The following ZNF343 variants were observed in gnomAD, a reference collection of about 807,000 sequenced individuals.
ZNF343 encodes zinc finger protein 343.
A neutral mutation model predicts 13.8 loss-of-function variants in ZNF343; 11 were observed. The observed-to-expected ratio is 0.80, with a 90% CI of 0.50 to 1.32. ZNF343 has a LOEUF of 1.32. ZNF343 is among the 40% of genes most tolerant of loss of function. ZNF343 has a pLI of 0.00. For synonymous variants in ZNF343, 248 were observed against 260.0 expected, an observed-to-expected ratio of 0.95 and a Z score of 0.44; for missense variants, 658 against 714.2, an observed-to-expected ratio of 0.92 and a Z score of 0.90.
chr20:2,502,132 C>T (rs2085577544), intron 1 of ZNF343, among the ~76,000 whole-genome samples: 1 of 152,132 alleles, frequency 6.6e-6, no homozygotes, highest in South Asian at 2.1e-4. Context: ...CCTGATGGAG[C>T]TGAAAACCAT....
At position 2,483,966 on chromosome 20, in the gene ZNF343, T is replaced by C. The variant is rs1441720552; in HGVS notation, c.995A>G (p.Gln332Arg). Reference sequence around the variant, plus strand: ...GAGGATGGACTTACTTCTAAAGCTTTGCCCACACTCCCTGCACAAATAAGG... The same window carrying C: ...GAGGATGGACTTACTTCTAAAGCTTCGCCCACACTCCCTGCACAAATAAGG... Reference protein sequence around the residue: ...EKPYLCRECGQSFRSKSILNR... With the variant: ...EKPYLCRECGRSFRSKSILNR... Residue 332 changes from glutamine to arginine, a missense_variant, in exon 6 of 6, where the codon CAA becomes CGA. Transcript: ENST00000278772. The C allele has an allele frequency of 1.9e-6, 3 of 1,612,214 alleles. No individual in the cohort carries two copies. Among genetic ancestry groups the C allele is most frequent in the Non-Finnish European group, 2.5e-6 (3 of 1,179,476 alleles).
rs147064287 is a variant in ZNF343, at chr20:2,516,049, T to C, written c.-347+8406A>G. ...ATTGAAAGTGAGAGTGATGGTCAGA[T>C]TGAGGTGATGAAGTGAGAATGGGGG... On this transcript the variant is annotated intron_variant, in intron 1 of 6. Coordinates refer to the ZNF343 transcript ENST00000358413. 5.9e-5 allele frequency among the ~76,000 whole-genome samples: 9 copies of C among 151,626 alleles called. No homozygotes were observed. The East Asian group carries it at 9.7e-4, about 16-fold the overall frequency.
At chr20:2,509,429 A>C (rs1040888168), upstream of ZNF343, among the ~76,000 whole-genome samples, 1 of 151,888 alleles carries the variant, frequency 6.6e-6, no homozygotes. Flanking sequence ...ACACCAGTGC[A>C]CTCCTGTGGG....
At chr20:2,505,639 A>T (rs552649347) in intron 1 of ZNF343, among the ~76,000 whole-genome samples, 1 of 152,240 alleles carries the variant, frequency 6.6e-6, no homozygotes, top group Non-Finnish European at 1.5e-5. Flanking sequence ...ATAATGCCGC[A>T]TATCTACAAC....
upstream of ZNF343, chr20:2,509,086 G>C (rs2085718250): frequency 6.6e-6 from 1 of 152,198 alleles, no homozygotes; most frequent in Admixed American, 6.5e-5. Flanking sequence ...TCTGGCTCCC[G>C]AGTGAAGTCT....
At chr20:2,495,837 C>T (rs926027211) in intron 2 of ZNF343, among the ~76,000 whole-genome samples, 1 of 152,088 alleles carries the variant, frequency 6.6e-6, no homozygotes, top group African/African-American at 2.4e-5. Flanking sequence ...CCTGCCACCA[C>T]ATCCAGCTAA....
chr20:2,485,931 G>T (rs562000771), intron 5 of ZNF343, among the ~76,000 whole-genome samples: 3 of 152,262 alleles, frequency 2.0e-5, no homozygotes, highest in East Asian at 3.9e-4. Flanking sequence ...CACTCCCTGA[G>T]TCTGTTTGGT....
intron 1 of ZNF343, among the ~76,000 whole-genome samples, chr20:2,501,114 A>T (rs2085557042): frequency 6.6e-6 from 1 of 152,124 alleles, no homozygotes; most frequent in Admixed American, 6.5e-5. Context: ...CCACCCTAAT[A>T]CTGCGCTTTT....
chr20:2,504,161 C>T lies in ZNF343; in HGVS notation c.-236-3419G>A, dbSNP rs367689957. Among the ~76,000 whole-genome samples, 1,258 of 152,186 alleles carry T rather than the reference C, an allele frequency of 8.3e-3. 6 individuals are homozygous for T. The highest frequency in any genetic ancestry group is 0.015 in the African/African-American group (604 of 41,532). On this transcript the variant is annotated intron_variant, in intron 1 of 5. Transcript: ENST00000278772. ...CTGATCCCATAGAAATACAAACTAC[C>T]GTCAGAGAATACTATAAACACCTCT...
rs142385929 is a variant in ZNF343, at chr20:2,483,655, G to C, written c.1306C>G (p.Pro436Ala). 41 of 1,613,034 alleles carry C rather than the reference G, an allele frequency of 2.5e-5. No homozygotes were observed. Among genetic ancestry groups the C allele is most frequent in the Admixed American group, 6.7e-5 (4 of 59,910 alleles). The stretch of plus-strand genomic sequence containing the variant: ...CGCCCACACTCCCTGCAAACATAAG[G>C]CTTCTCATCCAAGTGTGTCCTCTGG... ...KHQRTHLDEK[P>A]YVCRECGRGF... is the part of the protein sequence containing the mutation. The change falls in exon 6 of 6, where the codon CCT becomes GCT. Residue 436 changes from proline to alanine, a missense_variant. By Grantham distance (27) the Pro-to-Ala change is conservative. Coordinates refer to ENST00000278772, the MANE Select transcript of ZNF343 (RefSeq NM_024325.6).
At position 2,482,916 on chromosome 20, in the gene ZNF343, T is replaced by C; in HGVS notation, c.*245A>G. On this transcript the variant is annotated 3_prime_UTR_variant, in exon 6 of 6. Coordinates refer to ENST00000278772, the MANE Select transcript of ZNF343 (RefSeq NM_024325.6). ...AGTCCCTACACATAAACTTCTCTCCTAAGTGTGTCCTTTTGTGCATGCTCA... is the reference window on the plus strand; with the variant it reads ...AGTCCCTACACATAAACTTCTCTCCCAAGTGTGTCCTTTTGTGCATGCTCA... 1.9e-6 allele frequency: 1 copy of C among 530,030 alleles called. No homozygotes were observed. The highest frequency in any genetic ancestry group is 3.3e-6 in the Non-Finnish European group (1 of 299,886). The allele number at this position is 530,030 out of a possible 1,614,324, so 32.8% of individuals were successfully genotyped here. A position where few individuals can be genotyped will look rare whatever the true frequency, so the allele number is the denominator to read the frequency against.
chr20:2,498,491 C>G (rs1381441479), intron 2 of ZNF343, among the ~76,000 whole-genome samples: 1 of 152,156 alleles, frequency 6.6e-6, no homozygotes, highest in Non-Finnish European at 1.5e-5. Flanking sequence ...TAGAAAACCA[C>G]AGAGGAATAA....
Position 2,484,018 on chromosome 20 carries a change from G to A in ZNF343, c.943C>T (p.His315Tyr). The change falls in exon 6 of 6, where the codon CAC becomes TAC. Residue 315 changes from histidine to tyrosine, a missense_variant. Coordinates refer to ENST00000278772, the MANE Select transcript of ZNF343 (RefSeq NM_024325.6). ...TTCTCTTCTGAATGTGTTCTCTGGT[G>A]TCTGCTGAGGTTGGACTTCTGGCTA... The part of the protein sequence containing the change: ...GFSQKSNLSR[H>Y]QRTHSEEKPY... 1 of 1,614,152 alleles carries A rather than the reference G, an allele frequency of 6.2e-7. No individual in the cohort carries two copies. Among genetic ancestry groups the A allele is most frequent in the South Asian group, 1.1e-5 (1 of 91,084 alleles).
rs539865734 is a variant in ZNF343 at position 2,484,581 on chromosome 20, T to C, written c.380A>G (p.His127Arg). The C allele has an allele frequency of 4.1e-5, 66 of 1,614,114 alleles. No individual in the cohort carries two copies. Among genetic ancestry groups the C allele is most frequent in the African/African-American group, 5.3e-5 (4 of 75,052 alleles). Residue 127 changes from histidine (H) to arginine (R), a missense_variant, in exon 6 of 6, where the codon CAT becomes CGT. Transcript: ENST00000278772. ...AFSCQQFLSQ[H>R]VLQIFLGLCA... ...TAAGCCCAGGAAGATCTGAAGTACATGTTGACTGAGGAACTGCTGACAGGA... is the reference window on the plus strand; with the variant it reads ...TAAGCCCAGGAAGATCTGAAGTACACGTTGACTGAGGAACTGCTGACAGGA...
At chr20:2,490,256 T>C (rs1295800646) in intron 5 of ZNF343, among the ~76,000 whole-genome samples, 2 of 152,092 alleles carry the variant, frequency 1.3e-5, no homozygotes, top group Admixed American at 1.3e-4. Flanking sequence ...TCTCAAATTG[T>C]TAAATGGTGT....
intron 2 of ZNF343, among the ~76,000 whole-genome samples, chr20:2,499,158 G>C (rs2085512319): frequency 6.6e-6 from 1 of 150,714 alleles, no homozygotes; most frequent in South Asian, 2.1e-4. Flanking sequence ...GACAGAGTTG[G>C]AGGTAGGTAA....
chr20:2,518,819 G>A lies in ZNF343; in HGVS notation c.-347+5636C>T, dbSNP rs886993295. Among the ~76,000 whole-genome samples the A allele has an allele frequency of 3.3e-5, 5 of 152,116 alleles. No individual in the cohort carries two copies. The highest frequency in any genetic ancestry group is 1.2e-4 in the African/African-American group (5 of 41,400). Reference sequence around the variant, plus strand: ...TGTGTTCCTACCCAAATCTCATCTCGAATTGTAATCCCCACATGTCAGGGG... The same window carrying A: ...TGTGTTCCTACCCAAATCTCATCTCAAATTGTAATCCCCACATGTCAGGGG... On this transcript the variant is annotated intron_variant, in intron 1 of 6. Coordinates refer to the ZNF343 transcript ENST00000358413. The surrounding 1 kb of genome is among the most constrained non-coding windows in gnomAD (Gnocchi z 4.6).
intron 4 of ZNF343, 92 bp from the exon 5 acceptor site, chr20:2,492,917 T>C: frequency 6.5e-7 from 1 of 1,542,500 alleles, no homozygotes; most frequent in Non-Finnish European, 8.8e-7. Flanking sequence ...AGCCTGGATA[T>C]GCAAGTTGAT....
intron 2 of ZNF343, among the ~76,000 whole-genome samples, chr20:2,496,238 T>A (rs898141263): frequency 6.6e-6 from 1 of 152,192 alleles, no homozygotes; most frequent in Non-Finnish European, 1.5e-5. Context: ...TACTTGAGAT[T>A]TGAACAATGT....
Sources: gnomAD v4.1 joint callset for allele counts (sites outside exome capture counted in the v4.1 genomes callset) on GRCh38, gnomAD v4.1.1 for gene constraint, Gnocchi (gnomAD v3.1) non-coding constraint, MANE v1.5 for transcripts, NCBI Gene and HGNC (gene_info 2026-07-23, HGNC 2026-07-21) for gene names.